The following BRI3 variants were observed in gnomAD, a reference collection of about 807,000 sequenced individuals.
BRI3 encodes membrane protein BRI3.
BRI3 carries 6 observed loss-of-function variants against 12.8 expected under a neutral mutation model. The observed-to-expected ratio is 0.47, with a 90% CI of 0.26 to 0.93. The LOEUF (loss-of-function observed/expected upper bound fraction) is 0.93, where lower values mean the gene tolerates loss of function less well. Ranked by LOEUF, BRI3 falls within the 40% of genes least tolerant of loss-of-function variation. The pLI is 0.15. For missense variants in BRI3, 134 were observed against 171.1 expected (o/e 0.78, Z 1.21); for synonymous variants, 91 against 76.1 (o/e 1.20, Z -1.02).
intron 1 of BRI3, 117 bp downstream of exon 1, chr7:98,282,054 C>G: frequency 2.3e-6 from 3 of 1,300,832 alleles, no homozygotes; most frequent in Non-Finnish European, 3.0e-6. Context: ...AGCTGGAGGT[C>G]CCCGGGCTGG....
chr7:98,285,700 TTTCTTCCAC>T (rs1799688906), intron 2 of BRI3, among the ~76,000 whole-genome samples: 1 of 152,148 alleles, frequency 6.6e-6, no homozygotes, highest in African/African-American at 2.4e-5. Flanking sequence ...TTCTCAGGCC[TTTCTTCCAC>T]AGGGGAGGCG....
At chr7:98,306,744 G>A (rs530182273) in intron 1 of BRI3, 1 of 581,686 alleles carries the variant, frequency 1.7e-6, no homozygotes, top group African/African-American at 1.9e-5. Flanking sequence ...GTCTCGCTCT[G>A]TTGCCCAGGC....
At chr7:98,300,920 T>TC (rs1800394700) in intron 1 of BRI3, among the ~76,000 whole-genome samples, 1 of 152,166 alleles carries the variant, frequency 6.6e-6, no homozygotes, top group Non-Finnish European at 1.5e-5. Flanking sequence ...GACGCTTTCC[T>TC]CCTAGAAGCC....
chr7:98,291,012 T>C, intron 2 of BRI3, 99 bp from the exon 3 acceptor site: 2 of 1,392,158 alleles, frequency 1.4e-6, no homozygotes, highest in Non-Finnish European at 2.0e-6. Context: ...ATGTGACTCA[T>C]GGCCACTGGT....
chr7:98,320,976 C>T, the BRI3 span, among the ~76,000 whole-genome samples: 2 of 152,192 alleles, frequency 1.3e-5, no homozygotes, highest in Non-Finnish European at 2.9e-5. Context: ...TCCACCTCAG[C>T]CTCCCGAGTA....
chr7:98,286,076 G>A (rs1156765216), intron 2 of BRI3, among the ~76,000 whole-genome samples: 1 of 152,204 alleles, frequency 6.6e-6, no homozygotes, highest in African/African-American at 2.4e-5. Context: ...CTGGGAGGGA[G>A]AACTGGGACC....
chr7:98,290,608 C>T (rs968605961), intron 2 of BRI3, among the ~76,000 whole-genome samples: 6 of 152,200 alleles, frequency 3.9e-5, no homozygotes, highest in South Asian at 4.1e-4. Context: ...AAGCGATTCT[C>T]CTGCCTCAGC....
At chr7:98,299,028 T>A (rs910953167) in intron 1 of BRI3, among the ~76,000 whole-genome samples, 3 of 151,994 alleles carry the variant, frequency 2.0e-5, no homozygotes, top group African/African-American at 7.2e-5. Flanking sequence ...TTTGGTGTTT[T>A]TTTTGAGATG....
At chr7:98,296,577 T>C (rs1800200815), downstream of BRI3, among the ~76,000 whole-genome samples, 2 of 152,142 alleles carry the variant, frequency 1.3e-5, no homozygotes, top group South Asian at 2.1e-4. Context: ...TGAGCTGAGA[T>C]TGCACCACTG....
At chr7:98,320,047 C>T in the BRI3 span, 2 of 1,609,932 alleles carry the variant, frequency 1.2e-6, no homozygotes, top group Non-Finnish European at 1.7e-6. Context: ...GGAGGAAAAC[C>T]ATGCACTTAC....
downstream of BRI3, among the ~76,000 whole-genome samples, chr7:98,311,304 G>C (rs1355897566): frequency 6.6e-6 from 1 of 152,080 alleles, no homozygotes; most frequent in Non-Finnish European, 1.5e-5. Context: ...AGCACTTTGG[G>C]AGGCCGAGGT....
the BRI3 span, chr7:98,323,376 T>C: frequency 4.6e-5 from 7 of 152,192 alleles, no homozygotes; most frequent in Non-Finnish European, 8.8e-5. Flanking sequence ...GACACTCTAT[T>C]CTTGGCAAAG....
intron 2 of BRI3, among the ~76,000 whole-genome samples, chr7:98,287,316 G>A (rs1038644391): frequency 6.6e-5 from 10 of 152,228 alleles, no homozygotes; most frequent in African/African-American, 1.2e-4. Context: ...AGGAGGTGCC[G>A]GAGTGGGTCC....
downstream of BRI3, among the ~76,000 whole-genome samples, chr7:98,295,392 A>G (rs963951721): frequency 4.2e-4 from 64 of 152,194 alleles, no homozygotes; most frequent in African/African-American, 1.5e-3. Flanking sequence ...TGCACATCCT[A>G]CAGGGCTTTA....
chr7:98,292,165 T>C (rs1799986435), downstream of BRI3: 1 of 157,260 alleles, frequency 6.4e-6, no homozygotes, highest in Non-Finnish European at 1.4e-5. Context: ...CATGTAACCT[T>C]TCCCAATCTC....
At chr7:98,293,011 T>TG, downstream of BRI3, 3 of 1,070,000 alleles carry the variant, frequency 2.8e-6, no homozygotes, top group Non-Finnish European at 3.4e-6. Context: ...ACATTTTAAG[T>TG]TAAATTACAT....
At chr7:98,295,237 A>G (rs975141415), downstream of BRI3, among the ~76,000 whole-genome samples, 1 of 152,174 alleles carries the variant, frequency 6.6e-6, no homozygotes, top group Non-Finnish European at 1.5e-5. Flanking sequence ...TTGGGTGTAC[A>G]GGCTGTGGAG....
the BRI3 span, among the ~76,000 whole-genome samples, chr7:98,321,417 A>AAG: frequency 6.6e-6 from 1 of 152,296 alleles, no homozygotes; most frequent in East Asian, 1.9e-4. Flanking sequence ...CCGCAGCAGG[A>AAG]AGAGTGCTCA....
chr7:98,292,499 T>C (rs563650225), downstream of BRI3: 89 of 806,464 alleles, frequency 1.1e-4, 1 homozygote, highest in Admixed American at 1.2e-3. Flanking sequence ...CACTCCAAAA[T>C]AGGTCCAGAT....
Sources: gnomAD v4.1 joint callset for allele counts (sites outside exome capture counted in the v4.1 genomes callset) on GRCh38, gnomAD v4.1.1 for gene constraint, MANE v1.5 for transcripts, NCBI Gene and HGNC (gene_info 2026-07-23, HGNC 2026-07-21) for gene names.